Variants in PDE1C observed in about 807,000 individuals in gnomAD.
PDE1C encodes dual specificity calcium/calmodulin-dependent 3',5'-cyclic nucleotide phosphodiesterase 1C.
In PDE1C, 62 loss-of-function variants were observed where a neutral mutation model predicts 93.1. The observed-to-expected ratio is 0.67, with a 90% CI of 0.54 to 0.82. PDE1C has a LOEUF of 0.82. Among genes scored for constraint, PDE1C ranks in the 40% least tolerant of loss-of-function variants. The pLI, the probability that PDE1C is intolerant of heterozygous loss-of-function variation, is 0.00. For synonymous variants in PDE1C, 325 were observed against 310.1 expected (o/e 1.05, Z -0.50); for missense variants, 742 against 884.6 (o/e 0.84, Z 2.04).
At chr7:31,919,553 A>AG (rs1802351496) in intron 2 of PDE1C, among the ~76,000 whole-genome samples, 1 of 152,202 alleles carries the variant, frequency 6.6e-6, no homozygotes, top group African/African-American at 2.4e-5. Flanking sequence ...GAGAAAAAAA[A>AG]GACCCTAACC....
rs551424515 is a variant in PDE1C at position 32,263,469 on chromosome 7, CTAAA to C, written c.85+35178_85+35181del. Among the ~76,000 whole-genome samples, 540 of 152,220 alleles carry C rather than the reference CTAAA, an allele frequency of 3.5e-3. 2 individuals are homozygous for C. The highest frequency in any genetic ancestry group is 0.012 in the African/African-American group (504 of 41,530). ...TTACATACATTATGGCCTTTTACCC[CTAAA>C]TACTTAAGGTTCTATTTCCTAAGAA... On this transcript the variant is annotated intron_variant, in intron 1 of 18. Coordinates refer to the PDE1C transcript ENST00000396193.
intron 2 of PDE1C, among the ~76,000 whole-genome samples, chr7:31,911,204 T>C (rs752100447): frequency 2.6e-5 from 4 of 152,196 alleles, no homozygotes; most frequent in African/African-American, 9.7e-5. Flanking sequence ...TAGCTATAGA[T>C]ATAAAACAAT....
chr7:31,634,523 G>A, the PDE1C span, among the ~76,000 whole-genome samples: 1 of 152,150 alleles, frequency 6.6e-6, no homozygotes, highest in African/African-American at 2.4e-5. Context: ...AGATCACACA[G>A]CCTCTAAGTA....
intron 2 of PDE1C, among the ~76,000 whole-genome samples, chr7:32,170,313 G>A (rs910473595): frequency 6.6e-6 from 1 of 152,010 alleles, no homozygotes; most frequent in Non-Finnish European, 1.5e-5. Context: ...TCAAATACAA[G>A]TCTCCCCTAT....
At chr7:31,795,246 T>C (rs1313077530) in intron 16 of PDE1C, among the ~76,000 whole-genome samples, 4 of 152,056 alleles carry the variant, frequency 2.6e-5, no homozygotes, top group Non-Finnish European at 5.9e-5. Context: ...AAAGGTTCCC[T>C]TTATTTTAAA....
chr7:32,210,733 T>G (rs1462203376), intron 1 of PDE1C, among the ~76,000 whole-genome samples: 1 of 152,184 alleles, frequency 6.6e-6, no homozygotes, highest in Non-Finnish European at 1.5e-5. Context: ...TATTACTAAT[T>G]TGGGCAATTT....
In PDE1C at chr7:31,867,379, C is replaced by T. The variant is rs117438358; in HGVS notation, c.610-2297G>A. On this transcript the variant is annotated intron_variant, in intron 6 of 17. Transcript: ENST00000396191. ...GCTGCAGATCCAACAGGCCCAGTTC[C>T]ACACCTTCCAGTGCCTCAACACACC... Among the ~76,000 whole-genome samples, 39 of 152,264 alleles carry T rather than the reference C, an allele frequency of 2.6e-4. No homozygotes were observed. In the East Asian group the frequency reaches 7.2e-3, roughly 28 times the overall value.
At chr7:31,957,993 A>G (rs1808386707) in intron 2 of PDE1C, among the ~76,000 whole-genome samples, 1 of 152,224 alleles carries the variant, frequency 6.6e-6, no homozygotes, top group East Asian at 1.9e-4. Flanking sequence ...ACCAGTGAGC[A>G]GTTGGTTTTC....
chr7:31,791,534 T>C (rs2128662119), intron 16 of PDE1C, among the ~76,000 whole-genome samples: 1 of 152,256 alleles, frequency 6.6e-6, no homozygotes, highest in Non-Finnish European at 1.5e-5. Flanking sequence ...CCTGCCATTA[T>C]CAACTTGGGA....
intron 5 of PDE1C, among the ~76,000 whole-genome samples, chr7:31,877,075 A>C (rs1225182836): frequency 6.6e-6 from 1 of 152,210 alleles, no homozygotes; most frequent in Non-Finnish European, 1.5e-5. Flanking sequence ...GAGAAAGAAA[A>C]CAATGGCTTT....
chr7:32,301,151 T>G (rs1812872826), upstream of PDE1C, among the ~76,000 whole-genome samples: 1 of 152,156 alleles, frequency 6.6e-6, no homozygotes, highest in Non-Finnish European at 1.5e-5. Flanking sequence ...TATTATGTAT[T>G]TTTTAATATA....
At chr7:32,420,723 A>AT (rs61479721) in intron 1 of PDE1C, among the ~76,000 whole-genome samples, 3 of 150,978 alleles carry the variant, frequency 2.0e-5, no homozygotes, top group African/African-American at 4.9e-5. Flanking sequence ...TGGTTAAAAT[A>AT]TTTTTTTTAA....
At chr7:32,101,785 T>C (rs1404355387) in intron 3 of PDE1C, among the ~76,000 whole-genome samples, 1 of 152,106 alleles carries the variant, frequency 6.6e-6, no homozygotes, top group Admixed American at 6.5e-5. Flanking sequence ...ACATAGAAAA[T>C]TGGTACAAAG....
At chr7:32,346,207 T>C (rs1585119269) in intron 1 of PDE1C, among the ~76,000 whole-genome samples, 1 of 152,246 alleles carries the variant, frequency 6.6e-6, no homozygotes, top group Non-Finnish European at 1.5e-5. Flanking sequence ...GGATTGAATG[T>C]ACTATGGTCA....
intron 3 of PDE1C, among the ~76,000 whole-genome samples, chr7:32,158,534 T>C (rs17425178): frequency 0.063 from 9,523 of 152,260 alleles, 385 homozygotes; most frequent in Admixed American, 0.1. Context: ...TAAAAAATGG[T>C]CTTTGTTCCA....
At chr7:31,905,099 T>C (rs950270850) in intron 2 of PDE1C, among the ~76,000 whole-genome samples, 7 of 152,158 alleles carry the variant, frequency 4.6e-5, no homozygotes, top group African/African-American at 1.7e-4. Context: ...ACCAAATGAT[T>C]AGTTCCATTT....
At chr7:32,071,791 C>T (rs1796078042), upstream of PDE1C, among the ~76,000 whole-genome samples, 2 of 152,122 alleles carry the variant, frequency 1.3e-5, no homozygotes, top group Admixed American at 1.3e-4. Flanking sequence ...GAACCAAAGA[C>T]TGGGGGAATC....
chr7:31,786,644 T>C (rs1783972705), intron 16 of PDE1C: 1 of 152,158 alleles, frequency 6.6e-6, no homozygotes, highest in East Asian at 1.9e-4. Flanking sequence ...TGTGTGGGCA[T>C]CTCAGGATCA....
intron 2 of PDE1C, among the ~76,000 whole-genome samples, chr7:31,895,580 T>TTCTCTC (rs60958547): frequency 0.083 from 11,974 of 144,482 alleles, 571 homozygotes; most frequent in African/African-American, 0.13. Context: ...TTTCTCTCTT[T>TTCTCTC]TCTCTCTCTC....
Sources: allele counts gnomAD v4.1 joint callset (sites outside exome capture counted in the v4.1 genomes callset), GRCh38; gene constraint gnomAD v4.1.1; transcripts MANE v1.5; gene names NCBI Gene and HGNC (gene_info 2026-07-23, HGNC 2026-07-21).